The following HAUS1 variants were observed in gnomAD, a reference collection of about 807,000 sequenced individuals.
The protein encoded by HAUS1 is HAUS augmin-like complex subunit 1.
Under a neutral mutation model 38.6 loss-of-function variants are expected in HAUS1, and 25 were observed. The ratio of observed to expected loss-of-function variants is 0.65; its 90% CI spans 0.47 to 0.91. The LOEUF is 0.91. Ranked by LOEUF, HAUS1 falls within the 40% of genes least tolerant of loss-of-function variation. The probability of loss-of-function intolerance (pLI) is 0.00; values close to 1 mark genes in which losing one functional copy is unlikely to be tolerated. For missense variants in HAUS1, 325 were observed against 328.4 expected (o/e 0.99, Z 0.08); for synonymous variants, 109 against 112.9 (o/e 0.97, Z 0.22).
intron 2 of HAUS1, among the ~76,000 whole-genome samples, chr18:46,112,234 A>G (rs982747871): frequency 9.1e-5 from 13 of 142,706 alleles, no homozygotes; most frequent in Admixed American, 8.3e-4. Context: ...TTCCATATAT[A>G]TATAATATAT....
intron 5 of HAUS1, 69 bp downstream of exon 5, chr18:46,122,659 G>A (rs1365010034): frequency 3.0e-5 from 47 of 1,556,792 alleles, no homozygotes; most frequent in Non-Finnish European, 3.8e-5. Flanking sequence ...CTCACAGCTA[G>A]GCATTATTAT....
Position 46,110,333 on chromosome 18 carries a change from GTTTTTTTTTTT to G in HAUS1, c.205+4984_205+4994del, listed in dbSNP as rs71160713. ...ACCATGCCCAGCTTATTTTTTTAAG[GTTTTTTTTTTT>G]TTTTTTTTTTTTTTTTTTAGATGGA... is the stretch of plus-strand genomic sequence containing the variant. On this transcript the variant is annotated intron_variant, in intron 2 of 8. Transcript: ENST00000282058. Among the ~76,000 whole-genome samples the G allele has an allele frequency of 2.2e-4, 11 of 50,014 alleles. 1 individual carries two copies. The highest frequency in any genetic ancestry group is 8.6e-4 in the South Asian group (1 of 1,158). The allele number at this position is 50,014 out of a possible 152,430, so 32.8% of individuals were successfully genotyped here. A position where few individuals can be genotyped will look rare whatever the true frequency, so the allele number is the denominator to read the frequency against.
chr18:46,113,569 T>G (rs149505410), intron 2 of HAUS1, among the ~76,000 whole-genome samples: 200 of 152,318 alleles, frequency 1.3e-3, no homozygotes, highest in Non-Finnish European at 2.5e-3. Flanking sequence ...CTCATGTTCC[T>G]TCTTTAATTT....
intron 2 of HAUS1, among the ~76,000 whole-genome samples, chr18:46,110,558 G>T (rs1279460937): frequency 6.6e-6 from 1 of 151,786 alleles, no homozygotes; most frequent in African/African-American, 2.4e-5. Context: ...CGCCAGGCTG[G>T]TCTTGAGCTC....
Position 46,105,544 on chromosome 18 carries a change from ATATGTATGTGTG to A in HAUS1, c.205+178_205+189del, listed in dbSNP as rs1911442179. ...TATTGTTTTATGTTTATATATATGT[ATATGTATGTGTG>A]TGTGTGTGTGTGTGTGTGTGTGTGT... On this transcript the variant is annotated intron_variant, in intron 2 of 8. Transcript: ENST00000282058. 1.2e-5 allele frequency: 6 copies of A among 500,964 alleles called. No individual in the cohort carries two copies. The South Asian group carries it at 1.3e-4, about 11-fold the overall frequency. The allele number at this position is 500,964 out of a possible 1,614,324, so 31.0% of individuals were successfully genotyped here. A position where few individuals can be genotyped will look rare whatever the true frequency, so the allele number is the denominator to read the frequency against.
intron 2 of HAUS1, among the ~76,000 whole-genome samples, chr18:46,117,303 T>C (rs1026130613): frequency 6.6e-6 from 1 of 152,116 alleles, no homozygotes; most frequent in African/African-American, 2.4e-5. Flanking sequence ...AGTGGTTAAG[T>C]GGATAAATAA....
intron 2 of HAUS1, among the ~76,000 whole-genome samples, chr18:46,117,148 A>T (rs1000478099): frequency 6.6e-6 from 1 of 152,228 alleles, no homozygotes; most frequent in Non-Finnish European, 1.5e-5. Flanking sequence ...ATGTTTAAAC[A>T]TAGAGTTAAC....
chr18:46,104,778 G>A (rs1033971632), intron 1 of HAUS1, among the ~76,000 whole-genome samples: 7 of 152,126 alleles, frequency 4.6e-5, no homozygotes, highest in African/African-American at 1.7e-4. Flanking sequence ...AACTGCTTCC[G>A]CGCCCTGCAT....
chr18:46,121,721 C>T (rs140797824), intron 4 of HAUS1: 1 of 152,034 alleles, frequency 6.6e-6, no homozygotes, highest in Non-Finnish European at 1.5e-5. Flanking sequence ...AAAGTGAGCA[C>T]CAATTTTTTT....
At chr18:46,117,296 G>A (rs575027015) in intron 2 of HAUS1, among the ~76,000 whole-genome samples, 20 of 152,294 alleles carry the variant, frequency 1.3e-4, no homozygotes, top group Non-Finnish European at 1.0e-4. Flanking sequence ...GTCCATCAGT[G>A]GTTAAGTGGA....
chr18:46,110,152 C>CT (rs869105132), intron 2 of HAUS1, among the ~76,000 whole-genome samples: 1,688 of 115,304 alleles, frequency 0.015, 49 homozygotes, highest in African/African-American at 0.034. Flanking sequence ...TTATTTTGTC[C>CT]TTTTTTTTTT....
chr18:46,105,199 T>C lies in HAUS1; in HGVS notation c.36T>C (p.Ala12=). 1.2e-6 allele frequency: 2 copies of C among 1,608,078 alleles called. No individual in the cohort carries two copies. Among genetic ancestry groups the C allele is most frequent in the Non-Finnish European group, 1.7e-6 (2 of 1,176,942 alleles). ...EPQEERETQV[A]AWLKKIFGDH... ...GTCTTTCTTTTAATGGTTAGGTTGC[T>C]GCGTGGTTAAAAAAAATATTTGGAG... Residue 12 remains alanine, a synonymous_variant, in exon 2 of 9, where the codon GCT becomes GCC. Transcript: ENST00000282058.
rs551520472 is a variant in HAUS1, at chr18:46,111,688, C to T, written c.205+6320C>T. ...GGCCAGGCTGGTCTTGAACCCCTGACCTCAAGTGATCTGCCTGCCTCGGCC... is the reference window on the plus strand; with the variant it reads ...GGCCAGGCTGGTCTTGAACCCCTGATCTCAAGTGATCTGCCTGCCTCGGCC... On this transcript the variant is annotated intron_variant, in intron 2 of 8. Coordinates refer to ENST00000282058, the MANE Select transcript of HAUS1 (RefSeq NM_138443.4). Among the ~76,000 whole-genome samples, 6 of 151,812 alleles carry T rather than the reference C, an allele frequency of 4.0e-5. No individual in the cohort carries two copies. In the South Asian group the frequency reaches 8.3e-4, roughly 21 times the overall value.
intron 8 of HAUS1, among the ~76,000 whole-genome samples, chr18:46,126,165 C>T (rs1386223262): frequency 1.3e-5 from 2 of 152,058 alleles, no homozygotes; most frequent in African/African-American, 2.4e-5. Context: ...ATCCCAGCTA[C>T]TTGGGAGGCT....
At chr18:46,126,043 A>C (rs1316308913) in intron 8 of HAUS1, 1 of 252,252 alleles carries the variant, frequency 4.0e-6, no homozygotes, top group African/African-American at 2.3e-5. Flanking sequence ...TTGGGAGGCC[A>C]AGGTGGGTGG....
intron 4 of HAUS1, chr18:46,121,521 GTTTA>G (rs891671735): frequency 1.6e-4 from 25 of 151,894 alleles, no homozygotes; most frequent in African/African-American, 5.5e-4. Flanking sequence ...AAAATTCACA[GTTTA>G]TTTAGGTTGA....
At chr18:46,109,207 GGAGA>G (rs1911556965) in intron 2 of HAUS1, among the ~76,000 whole-genome samples, 1 of 152,134 alleles carries the variant, frequency 6.6e-6, no homozygotes, top group South Asian at 2.1e-4. Flanking sequence ...TGCCAGAGCA[GGAGA>G]GAGAGACAGA....
chr18:46,114,778 A>G (rs1172281340), intron 2 of HAUS1, among the ~76,000 whole-genome samples: 1 of 152,182 alleles, frequency 6.6e-6, no homozygotes, highest in Non-Finnish European at 1.5e-5. Flanking sequence ...TCTCCACCTC[A>G]GTGAGCTGGA....
intron 8 of HAUS1, among the ~76,000 whole-genome samples, chr18:46,127,498 G>C (rs1352621708): frequency 6.6e-6 from 1 of 151,924 alleles, no homozygotes; most frequent in African/African-American, 2.4e-5. Flanking sequence ...AAGGTCAAGA[G>C]TTCAAGACTA....
Sources: allele counts gnomAD v4.1 joint callset (sites outside exome capture counted in the v4.1 genomes callset), GRCh38; gene constraint gnomAD v4.1.1; transcripts MANE v1.5; gene names NCBI Gene and HGNC (gene_info 2026-07-23, HGNC 2026-07-21).